PPP2R2C: variants seen among roughly 807,000 people sequenced by gnomAD.
PPP2R2C encodes protein phosphatase 2, regulatory subunit B, gamma.
A neutral mutation model predicts 45.3 loss-of-function variants in PPP2R2C; 10 were observed. That is an observed-to-expected ratio of 0.22 (90% confidence interval 0.14 to 0.37). The LOEUF (loss-of-function observed/expected upper bound fraction) is 0.37, where lower values mean the gene tolerates loss of function less well. PPP2R2C is among the 10% of genes least tolerant of loss of function. PPP2R2C has a pLI of 1.00. For synonymous variants in PPP2R2C, 257 were observed against 245.4 expected (o/e 1.05, Z -0.44); for missense variants, 308 against 619.7 (o/e 0.50, Z 5.34).
chr4:6,409,409 C>T (rs1001246123), intron 1 of PPP2R2C, among the ~76,000 whole-genome samples: 3 of 152,120 alleles, frequency 2.0e-5, no homozygotes, highest in Non-Finnish European at 2.9e-5. Context: ...TCCTGGAAGA[C>T]GGGCCAGTGG....
chr4:6,549,599 G>A (rs953968353), intron 1 of PPP2R2C, among the ~76,000 whole-genome samples: 2 of 152,198 alleles, frequency 1.3e-5, no homozygotes, highest in African/African-American at 2.4e-5. Flanking sequence ...TCCTGCTCCT[G>A]TAGAGTGGCC....
At chr4:6,362,278 G>A (rs1713832185) in intron 5 of PPP2R2C, among the ~76,000 whole-genome samples, 1 of 152,138 alleles carries the variant, frequency 6.6e-6, no homozygotes, top group Non-Finnish European at 1.5e-5. Context: ...CATAAGGCTG[G>A]GAGTGGCAGG....
At chr4:6,546,107 A>G (rs887653570) in intron 1 of PPP2R2C, among the ~76,000 whole-genome samples, 4 of 152,248 alleles carry the variant, frequency 2.6e-5, no homozygotes, top group Admixed American at 6.5e-5. Context: ...CTTAGCATCA[A>G]TGGTGCACTG....
chr4:6,414,077 TGTGTG>T, intron 1 of PPP2R2C: 5 of 154,520 alleles, frequency 3.2e-5, no homozygotes, highest in East Asian at 1.9e-4. Context: ...TGCCTGTGTA[TGTGTG>T]TGTGTGTGTG....
In PPP2R2C at chr4:6,368,737, C is replaced by T. The variant is rs1473295924; in HGVS notation, c.625+3786G>A. ...CTCCACCGCCTCCCACCCGTGGCCA[C>T]GCTCTGGCCCTGCCTCTCACTCTCT... On this transcript the variant is annotated intron_variant, in intron 5 of 8. Coordinates refer to ENST00000382599, the MANE Select transcript of PPP2R2C (RefSeq NM_020416.4). This position sits in a 1 kb window ranked among gnomAD's most constrained non-coding sequence, Gnocchi z 4.2. Among the ~76,000 whole-genome samples, 3 of 152,146 alleles carry T rather than the reference C, an allele frequency of 2.0e-5. No individual in the cohort carries two copies. Among genetic ancestry groups the T allele is most frequent in the African/African-American group, 7.2e-5 (3 of 41,436 alleles).
At chr4:6,541,377 G>GATTAATTA (rs369730121) in intron 1 of PPP2R2C, among the ~76,000 whole-genome samples, 144 of 151,990 alleles carry the variant, frequency 9.5e-4, no homozygotes, top group African/African-American at 3.1e-3. Context: ...TACAGGTCAA[G>GATTAATTA]ATTAATTAAT....
rs140019542 is a variant in PPP2R2C, at chr4:6,330,506, A to G, written c.961-1153T>C. Among the ~76,000 whole-genome samples, 287 of 152,220 alleles carry G rather than the reference A, an allele frequency of 1.9e-3. 2 individuals carry two copies. Among genetic ancestry groups the G allele is most frequent in the African/African-American group, 6.7e-3 (277 of 41,518 alleles). On this transcript the variant is annotated intron_variant, in intron 7 of 8. Coordinates refer to ENST00000382599, the MANE Select transcript of PPP2R2C (RefSeq NM_020416.4). This position sits in a 1 kb window ranked among gnomAD's most constrained non-coding sequence, Gnocchi z 7.0. ...TCCATCATGTGGGGGGCCTTGTCCA[A>G]TCAGTCGAAGGCCCTGATAGAACAA...
intron 1 of PPP2R2C, among the ~76,000 whole-genome samples, chr4:6,428,287 C>A (rs1285378243): frequency 6.6e-6 from 1 of 152,204 alleles, no homozygotes; most frequent in East Asian, 1.9e-4. Context: ...GTGTTTGGAT[C>A]CTCTAACCCC....
chr4:6,325,254 C>G (rs775090870), intron 8 of PPP2R2C, among the ~76,000 whole-genome samples: 8 of 152,304 alleles, frequency 5.3e-5, no homozygotes, highest in Middle Eastern at 3.4e-3. Context: ...CTGAACACCC[C>G]GCACAGTGCT....
intron 2 of PPP2R2C, among the ~76,000 whole-genome samples, chr4:6,494,523 G>C (rs904904999): frequency 2.6e-5 from 4 of 152,204 alleles, no homozygotes; most frequent in Non-Finnish European, 4.4e-5. Context: ...CGAGACGGAG[G>C]GCCACCTGGA....
intron 1 of PPP2R2C, among the ~76,000 whole-genome samples, chr4:6,459,533 T>C (rs924343705): frequency 2.4e-4 from 36 of 152,098 alleles, no homozygotes; most frequent in Non-Finnish European, 1.2e-4. Context: ...GCAAGAGAGA[T>C]GACAATTACA....
At chr4:6,425,494 C>A (rs916364640) in intron 1 of PPP2R2C, among the ~76,000 whole-genome samples, 1 of 152,218 alleles carries the variant, frequency 6.6e-6, no homozygotes, top group Non-Finnish European at 1.5e-5. Flanking sequence ...GGTGTCCCCA[C>A]CAGCACGAGC....
chr4:6,519,853 A>G (rs1723957847), intron 2 of PPP2R2C, among the ~76,000 whole-genome samples: 2 of 152,244 alleles, frequency 1.3e-5, no homozygotes, highest in South Asian at 4.2e-4. Context: ...AAAACTGCAG[A>G]AAAGGAAGGA....
chr4:6,341,994 C>G (rs1733479816), intron 6 of PPP2R2C, among the ~76,000 whole-genome samples: 1 of 151,966 alleles, frequency 6.6e-6, no homozygotes, highest in African/African-American at 2.4e-5. Flanking sequence ...CCTTGACCCT[C>G]ACACAACACA....
intron 5 of PPP2R2C, among the ~76,000 whole-genome samples, chr4:6,363,060 G>A (rs948118239): frequency 6.6e-6 from 1 of 152,172 alleles, no homozygotes; most frequent in Non-Finnish European, 1.5e-5. Context: ...TGACAGTGGG[G>A]TGGGAGGTGG....
intron 1 of PPP2R2C, among the ~76,000 whole-genome samples, chr4:6,463,252 G>C (rs1721421434): frequency 6.6e-6 from 1 of 152,150 alleles, no homozygotes; most frequent in African/African-American, 2.4e-5. Context: ...ATTGCCCAGG[G>C]GATGAAGAAG....
intron 1 of PPP2R2C, among the ~76,000 whole-genome samples, chr4:6,416,255 C>T (rs13135461): frequency 0.46 from 63,132 of 138,360 alleles, 13,648 homozygotes; most frequent in Non-Finnish European, 0.52. Context: ...TGCACACAAC[C>T]GCCCCCACGA....
In PPP2R2C at chr4:6,332,001, C is replaced by T. The variant is rs116696484; in HGVS notation, c.960+1561G>A. 0.015 allele frequency among the ~76,000 whole-genome samples: 2,291 copies of T among 152,324 alleles called. 54 individuals are homozygous for T. Among genetic ancestry groups the T allele is most frequent in the African/African-American group, 0.052 (2,158 of 41,554 alleles). ...ATCAATAGGTCAGCTGGGCCAGATGCCAAGTGCCCAGCTTACGGCCTCACG... is the reference window on the plus strand; with the variant it reads ...ATCAATAGGTCAGCTGGGCCAGATGTCAAGTGCCCAGCTTACGGCCTCACG... On this transcript the variant is annotated intron_variant, in intron 7 of 8. Transcript: ENST00000382599. The surrounding 1 kb of genome is among the most constrained non-coding windows in gnomAD (Gnocchi z 4.9).
At chr4:6,456,781 T>C (rs1358419712) in intron 1 of PPP2R2C, among the ~76,000 whole-genome samples, 3 of 152,194 alleles carry the variant, frequency 2.0e-5, no homozygotes, top group African/African-American at 4.8e-5. Context: ...TAAGGGGATA[T>C]TGAATGCAAT....
Sources: allele counts gnomAD v4.1 joint callset (sites outside exome capture counted in the v4.1 genomes callset), GRCh38; gene constraint gnomAD v4.1.1; non-coding constraint Gnocchi (gnomAD v3.1); transcripts MANE v1.5; gene names NCBI Gene and HGNC (gene_info 2026-07-23, HGNC 2026-07-21).